Variants in TNNI3K observed in about 807,000 individuals in gnomAD.
The protein encoded by TNNI3K is serine/threonine-protein kinase TNNI3K.
TNNI3K carries 140 observed loss-of-function variants against 114.5 expected under a neutral mutation model. The observed-to-expected ratio is 1.22, with a 90% CI of 1.07 to 1.41. The LOEUF (loss-of-function observed/expected upper bound fraction) is 1.41, where lower values mean the gene tolerates loss of function less well. Among genes scored for constraint, TNNI3K ranks in the 40% most tolerant of loss-of-function variants. TNNI3K has a pLI of 0.00. For missense variants in TNNI3K, 1,125 were observed against 1,007.6 expected (o/e 1.12, Z -1.58); for synonymous variants, 347 against 347.5 (o/e 1.00, Z 0.02).
At chr1:74,260,975 A>G (rs886830493) in intron 4 of TNNI3K, among the ~76,000 whole-genome samples, 18 of 152,238 alleles carry the variant, frequency 1.2e-4, no homozygotes, top group African/African-American at 4.3e-4. Context: ...TTATATTTCA[A>G]ATAGCCTTTT....
intron 17 of TNNI3K, among the ~76,000 whole-genome samples, chr1:74,377,523 A>C (rs913660042): frequency 2.4e-4 from 36 of 152,096 alleles, no homozygotes; most frequent in African/African-American, 7.7e-4. Context: ...ATTATATTGC[A>C]CATGGTTTAT....
At chr1:74,524,756 T>TAA (rs1005185352) in intron 23 of TNNI3K, among the ~76,000 whole-genome samples, 3 of 137,328 alleles carry the variant, frequency 2.2e-5, no homozygotes, top group African/African-American at 8.0e-5. Flanking sequence ...TTTAAAAAAG[T>TAA]AAAAAAAAAA....
chr1:74,284,756 C>A (rs532141653), intron 5 of TNNI3K, among the ~76,000 whole-genome samples: 3 of 152,268 alleles, frequency 2.0e-5, no homozygotes, highest in Admixed American at 6.5e-5. Context: ...AAAAATCAGA[C>A]CTTGGCGATG....
chr1:74,392,013 T>C (rs1663811355), intron 17 of TNNI3K, among the ~76,000 whole-genome samples: 1 of 142,198 alleles, frequency 7.0e-6, no homozygotes, highest in Non-Finnish European at 1.5e-5. Flanking sequence ...TCGCCCAGGC[T>C]GGAGTGCAGT....
intron 5 of TNNI3K, among the ~76,000 whole-genome samples, chr1:74,311,278 G>A (rs968219060): frequency 7.9e-5 from 12 of 151,876 alleles, no homozygotes; most frequent in African/African-American, 2.2e-4. Flanking sequence ...ATACTAATAC[G>A]TTTTCAGTTG....
At chr1:74,488,255 A>T (rs555595123) in intron 21 of TNNI3K, among the ~76,000 whole-genome samples, 1 of 152,172 alleles carries the variant, frequency 6.6e-6, no homozygotes, top group Admixed American at 6.5e-5. Context: ...TGCTCACTCC[A>T]CTGCTCCCAC....
intron 5 of TNNI3K, among the ~76,000 whole-genome samples, chr1:74,310,700 A>G (rs1213135051): frequency 6.6e-6 from 1 of 152,190 alleles, no homozygotes; most frequent in African/African-American, 2.4e-5. Flanking sequence ...TTTTCTTTAA[A>G]TGCAAGTTGT....
chr1:74,367,402 C>T, intron 12 of TNNI3K, 60 bp downstream of exon 12: 9 of 1,563,492 alleles, frequency 5.8e-6, no homozygotes, highest in Admixed American at 1.7e-5. Context: ...AAAGGTAAAC[C>T]TGTGTTTCTG....
chr1:74,466,574 G>C (rs1667691162), intron 21 of TNNI3K, among the ~76,000 whole-genome samples: 1 of 152,144 alleles, frequency 6.6e-6, no homozygotes, highest in Admixed American at 6.6e-5. Context: ...AGATGAAGAG[G>C]GGAAGATGAA....
chr1:74,271,690 A>C lies in TNNI3K; in HGVS notation c.426A>C (p.Thr142=), dbSNP rs141855344. 1 of 1,607,610 alleles carries C rather than the reference A, an allele frequency of 6.2e-7. No individual in the cohort carries two copies. The highest frequency in any genetic ancestry group is 1.7e-5 in the Admixed American group (1 of 59,406). Residue 142 remains threonine, a synonymous_variant, in exon 5 of 25, where the codon ACA becomes ACC. Coordinates refer to ENST00000326637, the MANE Select transcript of TNNI3K (RefSeq NM_015978.3). ...YGGLTALHIA[T]IAGHLEAADV... Reference sequence around the variant, plus strand: ...GCCTCACTGCCCTCCATATTGCTACAATAGCTGGCCACCTAGAGGTAAGTC... The same window carrying C: ...GCCTCACTGCCCTCCATATTGCTACCATAGCTGGCCACCTAGAGGTAAGTC...
intron 4 of TNNI3K, among the ~76,000 whole-genome samples, chr1:74,253,298 C>G (rs568024035): frequency 4.7e-4 from 71 of 152,300 alleles, no homozygotes; most frequent in Middle Eastern, 3.4e-3. Context: ...GCACAGGGGC[C>G]GCAGGTGGAG....
chr1:74,270,557 G>T (rs1656280128), intron 4 of TNNI3K, among the ~76,000 whole-genome samples: 1 of 151,842 alleles, frequency 6.6e-6, no homozygotes, highest in African/African-American at 2.4e-5. Context: ...CTTTACCAAA[G>T]TTTTTTCATT....
At chr1:74,369,770 T>C (rs1662497387) in intron 16 of TNNI3K, 185 bp downstream of exon 16, 5 of 635,776 alleles carry the variant, frequency 7.9e-6, no homozygotes, top group Admixed American at 8.1e-5. Context: ...ATAGAAATAC[T>C]TTATGCTTTC....
chr1:74,391,609 G>A (rs2100569629), intron 17 of TNNI3K, among the ~76,000 whole-genome samples: 1 of 152,316 alleles, frequency 6.6e-6, no homozygotes, highest in South Asian at 2.1e-4. Context: ...TCAGAAAGCA[G>A]TTGGAAATGC....
At chr1:74,522,440 C>A (rs1392330124) in intron 23 of TNNI3K, among the ~76,000 whole-genome samples, 1 of 152,096 alleles carries the variant, frequency 6.6e-6, no homozygotes, top group Non-Finnish European at 1.5e-5. Context: ...AAAGGTAGAC[C>A]AAGGAGTACA....
intron 17 of TNNI3K, among the ~76,000 whole-genome samples, chr1:74,416,818 T>A (rs1665138517): frequency 6.6e-6 from 1 of 152,130 alleles, no homozygotes. Context: ...TTTTCTTCAT[T>A]TCTGTCTTTC....
intron 21 of TNNI3K, chr1:74,469,860 T>C (rs769243611): frequency 5.0e-6 from 2 of 400,524 alleles, no homozygotes; most frequent in Non-Finnish European, 8.8e-6. Flanking sequence ...GATTATTATT[T>C]GAGTTATTTT....
At chr1:74,249,354 A>G (rs1654784390) in intron 2 of TNNI3K, 105 bp from the exon 3 acceptor site, 1 of 1,146,116 alleles carries the variant, frequency 8.7e-7, no homozygotes, top group African/African-American at 1.6e-5. Context: ...TAGAAAAAAT[A>G]CATTTCTGAA....
chr1:74,240,654 A>G (rs1050139164), intron 2 of TNNI3K: 1 of 152,192 alleles, frequency 6.6e-6, no homozygotes, highest in Non-Finnish European at 1.5e-5. Context: ...AGTTTTTATC[A>G]TAATAAATTT....
Sources: gnomAD v4.1 joint callset for allele counts (sites outside exome capture counted in the v4.1 genomes callset) on GRCh38, gnomAD v4.1.1 for gene constraint, MANE v1.5 for transcripts, NCBI Gene and HGNC (gene_info 2026-07-23, HGNC 2026-07-21) for gene names.